Variants in VMP1 observed in about 807,000 individuals in gnomAD.
The protein encoded by VMP1 is vacuole membrane protein 1.
A neutral mutation model predicts 56.0 loss-of-function variants in VMP1; 11 were observed. The observed-to-expected ratio is 0.20, with a 90% confidence interval of 0.12 to 0.32. The LOEUF (loss-of-function observed/expected upper bound fraction) is 0.32. Ranked by LOEUF, VMP1 falls within the 10% of genes least tolerant of loss-of-function variation. The probability of loss-of-function intolerance (pLI) is 1.00; values close to 1 mark genes in which losing one functional copy is unlikely to be tolerated. For synonymous variants in VMP1, 149 were observed against 165.0 expected (o/e 0.90, Z 0.74); for missense variants, 296 against 490.3 (o/e 0.60, Z 3.74).
At chr17:59,754,986 C>CCG (rs1555616867) in intron 5 of VMP1, among the ~76,000 whole-genome samples, 4 of 128,328 alleles carry the variant, frequency 3.1e-5, no homozygotes, top group Non-Finnish European at 6.5e-5. Flanking sequence ...TAGCCCCCCC[C>CCG]GCCCTTTTTT....
At chr17:59,797,084 A>G (rs752228439) in intron 7 of VMP1, among the ~76,000 whole-genome samples, 1 of 152,026 alleles carries the variant, frequency 6.6e-6, no homozygotes, top group Non-Finnish European at 1.5e-5. Flanking sequence ...CTGTAATCCT[A>G]CCACTTTGGG....
At chr17:59,818,259 CAGG>C (rs2038315816) in intron 10 of VMP1, among the ~76,000 whole-genome samples, 1 of 151,892 alleles carries the variant, frequency 6.6e-6, no homozygotes, top group Non-Finnish European at 1.5e-5. Flanking sequence ...CCCAGCTGCT[CAGG>C]AGGCTGAGGC....
At chr17:59,763,012 A>G (rs577590224) in intron 5 of VMP1, among the ~76,000 whole-genome samples, 11 of 152,194 alleles carry the variant, frequency 7.2e-5, no homozygotes, top group Non-Finnish European at 1.6e-4. Flanking sequence ...CTTTAGCTGT[A>G]GACTACCTGT....
intron 1 of VMP1, among the ~76,000 whole-genome samples, chr17:59,726,513 C>T (rs940806701): frequency 2.6e-5 from 4 of 152,086 alleles, no homozygotes; most frequent in Admixed American, 6.6e-5. Context: ...AGGCTGGTCT[C>T]GAACTCCTGA....
chr17:59,783,057 G>T (rs532610520), intron 7 of VMP1, among the ~76,000 whole-genome samples: 17 of 152,186 alleles, frequency 1.1e-4, no homozygotes, highest in East Asian at 1.9e-4. Context: ...TTAGCCGGGC[G>T]TGGTGGCGGG....
At chr17:59,708,694 T>C (rs2033786320) in intron 1 of VMP1, among the ~76,000 whole-genome samples, 1 of 152,224 alleles carries the variant, frequency 6.6e-6, no homozygotes, top group East Asian at 1.9e-4. Flanking sequence ...CATGATAGAA[T>C]TTAATATTCC....
chr17:59,839,612 T>C (rs1025244900), intron 11 of VMP1, 156 bp from the exon 12 acceptor site: 3 of 838,162 alleles, frequency 3.6e-6, no homozygotes, highest in Non-Finnish European at 5.5e-6. Flanking sequence ...AAAAGGAGAG[T>C]AATGGAGATT....
chr17:59,711,070 C>T (rs1363635703), intron 1 of VMP1, among the ~76,000 whole-genome samples: 2 of 137,458 alleles, frequency 1.5e-5, no homozygotes, highest in Non-Finnish European at 3.0e-5. Flanking sequence ...GAGACTCCAT[C>T]TCAAAAAAAA....
At chr17:59,736,276 G>T (rs1010492229) in intron 3 of VMP1, among the ~76,000 whole-genome samples, 3 of 151,354 alleles carry the variant, frequency 2.0e-5, no homozygotes, top group African/African-American at 7.3e-5. Context: ...GGTGGCATGT[G>T]CCTGTAGTCC....
At chr17:59,777,028 G>A (rs1424954501) in intron 7 of VMP1, among the ~76,000 whole-genome samples, 3 of 152,018 alleles carry the variant, frequency 2.0e-5, no homozygotes, top group Non-Finnish European at 4.4e-5. Context: ...AACATCTCAT[G>A]ATACCACTTT....
chr17:59,731,996 A>G (rs1037533029), intron 2 of VMP1, among the ~76,000 whole-genome samples: 10 of 152,202 alleles, frequency 6.6e-5, no homozygotes, highest in African/African-American at 2.4e-4. Context: ...ACTCCTGTTT[A>G]TACAGTTACC....
chr17:59,735,423 G>A lies in VMP1; in HGVS notation c.162G>A (p.Leu54=). 6.2e-7 allele frequency: 1 copy of A among 1,614,098 alleles called. No individual in the cohort carries two copies. Among genetic ancestry groups the A allele is most frequent in the Non-Finnish European group, 8.5e-7 (1 of 1,179,992 alleles). Residue 54 remains leucine (L), a synonymous_variant, in exon 3 of 12, where the codon TTG becomes TTA. Coordinates refer to ENST00000262291, the MANE Select transcript of VMP1 (RefSeq NM_030938.5). ...IVLWRQPLIT[L]QYFSLEILVI... ...TGTGGAGACAGCCGCTCATTACCTT[G>A]CAGTATTTTTCTCTGGAAATCCTTG...
intron 10 of VMP1, among the ~76,000 whole-genome samples, chr17:59,836,159 G>T (rs1225067487): frequency 6.6e-6 from 1 of 150,994 alleles, no homozygotes; most frequent in Non-Finnish European, 1.5e-5. Flanking sequence ...ATATATGTCT[G>T]TTCAGGCCTT....
chr17:59,801,058 C>G (rs1362924059), intron 7 of VMP1, among the ~76,000 whole-genome samples: 2 of 125,906 alleles, frequency 1.6e-5, no homozygotes, highest in Non-Finnish European at 1.6e-5. Flanking sequence ...CCATCCTGGG[C>G]GACAGAGCAA....
At chr17:59,778,655 T>G (rs1411283978) in intron 7 of VMP1, among the ~76,000 whole-genome samples, 2 of 152,210 alleles carry the variant, frequency 1.3e-5, no homozygotes, top group African/African-American at 4.8e-5. Context: ...GCATCCAGGC[T>G]TAATATTTAC....
In VMP1 at chr17:59,841,670, A is replaced by T. The variant is rs13137; in HGVS notation, c.*1759A>T. 28,504 of 153,774 alleles carry T rather than the reference A, an allele frequency of 0.19. 3,269 individuals are homozygous for T. The highest frequency in any genetic ancestry group is 0.44 in the East Asian group (2,292 of 5,230). 9.5% of individuals were successfully genotyped at this position (153,774 alleles called of 1,614,324 possible). On this transcript the variant is annotated 3_prime_UTR_variant, in exon 12 of 12. Transcript: ENST00000262291. ...TCCCAAAATGCTCTATTTTAGATAG[A>T]TTAACATTAACCAACATAATTTTTT...
chr17:59,774,424 A>T (rs924851658), intron 7 of VMP1, among the ~76,000 whole-genome samples: 2 of 98,920 alleles, frequency 2.0e-5, no homozygotes, highest in Non-Finnish European at 4.8e-5. Flanking sequence ...AAAAAAAAAA[A>T]GAAAGAAAGA....
intron 6 of VMP1, among the ~76,000 whole-genome samples, chr17:59,765,518 AACGGAAGCC>A (rs2036200265): frequency 6.6e-6 from 1 of 152,220 alleles, no homozygotes; most frequent in Non-Finnish European, 1.5e-5. Context: ...CCTACTGTTG[AACGGAAGCC>A]TTAATGATAA....
intron 7 of VMP1, among the ~76,000 whole-genome samples, chr17:59,800,539 AT>A (rs2037600811): frequency 6.6e-6 from 1 of 152,220 alleles, no homozygotes; most frequent in Non-Finnish European, 1.5e-5. Flanking sequence ...GGCTTTTAAT[AT>A]TGGCTGTGAA....
Sources: allele counts gnomAD v4.1 joint callset (sites outside exome capture counted in the v4.1 genomes callset), GRCh38; gene constraint gnomAD v4.1.1; transcripts MANE v1.5; gene names NCBI Gene and HGNC (gene_info 2026-07-23, HGNC 2026-07-21).